SPECC1: variants seen among roughly 807,000 people sequenced by gnomAD.
SPECC1 encodes cytospin-B.
In SPECC1, 62 loss-of-function variants were observed where a neutral mutation model predicts 104.1. The ratio of observed to expected loss-of-function variants is 0.60; its 90% confidence interval spans 0.49 to 0.74. The LOEUF is 0.74. Among genes scored for constraint, SPECC1 ranks in the 30% least tolerant of loss-of-function variants. The probability of loss-of-function intolerance (pLI) is 0.00; values close to 1 mark genes in which losing one functional copy is unlikely to be tolerated. For synonymous variants in SPECC1, 513 were observed against 501.6 expected (o/e 1.02, Z -0.30); for missense variants, 1,306 against 1,310.5 (o/e 1.00, Z 0.05).
intron 3 of SPECC1, among the ~76,000 whole-genome samples, chr17:20,160,909 C>T (rs1279255681): frequency 6.6e-6 from 1 of 152,202 alleles, no homozygotes; most frequent in Admixed American, 6.5e-5. Context: ...TTTTCCAAAT[C>T]CATTGTTAGT....
chr17:20,036,358 G>A (rs917310760), intron 1 of SPECC1, among the ~76,000 whole-genome samples: 7 of 151,920 alleles, frequency 4.6e-5, no homozygotes, highest in African/African-American at 9.7e-5. Flanking sequence ...TCAAACTCCC[G>A]ACCTCAAGTT....
chr17:20,249,277 G>A (rs1051037046), intron 9 of SPECC1, among the ~76,000 whole-genome samples: 1 of 152,088 alleles, frequency 6.6e-6, no homozygotes, highest in South Asian at 2.1e-4. Context: ...AATCAACTGG[G>A]CATGGTGGTG....
chr17:20,094,330 G>T (rs1028021095), intron 1 of SPECC1, among the ~76,000 whole-genome samples: 4 of 152,196 alleles, frequency 2.6e-5, no homozygotes, highest in African/African-American at 9.7e-5. Context: ...TGGAAAGGAG[G>T]CTGCGTGTTC....
intron 4 of SPECC1, among the ~76,000 whole-genome samples, chr17:20,216,057 C>T (rs2037469084): frequency 6.6e-6 from 1 of 152,202 alleles, no homozygotes; most frequent in Admixed American, 6.5e-5. Flanking sequence ...TTTTTATATT[C>T]ACTTTACAGA....
chr17:20,188,256 C>CTTTT (rs67659304), intron 3 of SPECC1, among the ~76,000 whole-genome samples: 4 of 145,916 alleles, frequency 2.7e-5, no homozygotes, highest in Non-Finnish European at 3.0e-5. Context: ...AAAAGACATC[C>CTTTT]TTTTTTTTTT....
chr17:20,010,290 G>A (rs1223699223), intron 1 of SPECC1: 1 of 152,066 alleles, frequency 6.6e-6, no homozygotes, highest in African/African-American at 2.4e-5. Context: ...CTTGCCCTCT[G>A]CAGGAAGAAT....
chr17:20,014,013 TG>T lies in SPECC1; in HGVS notation c.-22+4590del, dbSNP rs781751250. On this transcript the variant is annotated intron_variant, in intron 1 of 14. Transcript: ENST00000395527. ...GGAGTGGAACTGCTTGGTTGTAGTC[TG>T]TGCATGTGCTCGGTTTTAGTAGATA... 3.4e-4 allele frequency among the ~76,000 whole-genome samples: 51 copies of T among 151,926 alleles called. 1 individual carries two copies. The highest frequency in any genetic ancestry group is 5.9e-5 in the Non-Finnish European group (4 of 68,002).
intron 3 of SPECC1, among the ~76,000 whole-genome samples, chr17:20,169,888 T>C (rs2052987657): frequency 6.6e-6 from 1 of 152,220 alleles, no homozygotes; most frequent in African/African-American, 2.4e-5. Context: ...GTACGGGATT[T>C]CTAGTTTGTT....
At chr17:20,159,652 C>G (rs116391451) in intron 3 of SPECC1, among the ~76,000 whole-genome samples, 3 of 152,118 alleles carry the variant, frequency 2.0e-5, no homozygotes, top group Non-Finnish European at 4.4e-5. Context: ...TGCAGTCCTC[C>G]GAGTTGGGAC....
intron 12 of SPECC1, among the ~76,000 whole-genome samples, chr17:20,273,694 C>G (rs1412150251): frequency 6.6e-6 from 1 of 152,174 alleles, no homozygotes; most frequent in Non-Finnish European, 1.5e-5. Flanking sequence ...TGAAGCACCT[C>G]TTGCCACCAA....
At chr17:20,015,210 A>T (rs1001312655) in intron 1 of SPECC1, among the ~76,000 whole-genome samples, 2 of 151,912 alleles carry the variant, frequency 1.3e-5, no homozygotes, top group African/African-American at 4.8e-5. Context: ...AATTATTCTT[A>T]CTTGGGAATT....
intron 4 of SPECC1, among the ~76,000 whole-genome samples, chr17:20,210,790 C>A (rs900198981): frequency 6.6e-6 from 1 of 152,158 alleles, no homozygotes; most frequent in South Asian, 2.1e-4. Flanking sequence ...TGCCCAGCTC[C>A]CACCACACCT....
intron 1 of SPECC1, among the ~76,000 whole-genome samples, chr17:20,024,145 G>A (rs1597579389): frequency 6.6e-6 from 1 of 152,170 alleles, no homozygotes; most frequent in East Asian, 1.9e-4. Context: ...TAATAAAATG[G>A]GGTAGCTATA....
chr17:20,175,149 A>C (rs1042944579), intron 3 of SPECC1, among the ~76,000 whole-genome samples: 1 of 152,136 alleles, frequency 6.6e-6, no homozygotes, highest in Non-Finnish European at 1.5e-5. Context: ...CTGTGGGCCC[A>C]GGACCTTCAG....
At chr17:20,154,975 A>G (rs1555615936) in intron 3 of SPECC1, among the ~76,000 whole-genome samples, 1 of 152,194 alleles carries the variant, frequency 6.6e-6, no homozygotes, top group Non-Finnish European at 1.5e-5. Context: ...AAAAAACCTA[A>G]GTGGAGGTGT....
At chr17:20,239,416 A>C (rs1454055790) in intron 7 of SPECC1, 2 of 481,066 alleles carry the variant, frequency 4.2e-6, no homozygotes, top group African/African-American at 4.2e-5. Context: ...AAATTGGATT[A>C]TATTCTTTTC....
chr17:20,273,733 C>T (rs1457703322), intron 12 of SPECC1, among the ~76,000 whole-genome samples: 4 of 152,172 alleles, frequency 2.6e-5, no homozygotes, highest in Admixed American at 1.3e-4. Flanking sequence ...GATTTTGCAC[C>T]ATAAATCAGG....
chr17:20,054,207 C>T (rs1456359654), intron 1 of SPECC1, among the ~76,000 whole-genome samples: 2 of 152,218 alleles, frequency 1.3e-5, no homozygotes, highest in Non-Finnish European at 2.9e-5. Flanking sequence ...GAGCATCTTT[C>T]TTCTTTGATT....
intron 3 of SPECC1, among the ~76,000 whole-genome samples, chr17:20,158,880 AC>A (rs2032863320): frequency 6.6e-6 from 1 of 151,506 alleles, no homozygotes; most frequent in African/African-American, 2.4e-5. Flanking sequence ...CACTTCAGCC[AC>A]CCAAGTAGCT....
Sources: gnomAD v4.1 joint callset for allele counts (sites outside exome capture counted in the v4.1 genomes callset) on GRCh38, gnomAD v4.1.1 for gene constraint, MANE v1.5 for transcripts, NCBI Gene and HGNC (gene_info 2026-07-23, HGNC 2026-07-21) for gene names.